Variants in NSMCE2 observed in about 807,000 individuals in gnomAD.
The protein encoded by NSMCE2 is E3 SUMO-protein ligase NSE2.
Under a neutral mutation model 23.8 loss-of-function variants are expected in NSMCE2, and 24 were observed. The observed-to-expected ratio is 1.01, with a 90% CI of 0.73 to 1.42. The LOEUF is 1.42. Ranked by LOEUF, NSMCE2 falls within the 40% of genes most tolerant of loss-of-function variation. The pLI is 0.00. For missense variants in NSMCE2, 284 were observed against 296.5 expected (o/e 0.96, Z 0.31); for synonymous variants, 92 against 94.1 (o/e 0.98, Z 0.13).
chr8:125,215,305 T>C (rs1444062453), intron 5 of NSMCE2, among the ~76,000 whole-genome samples: 33 of 149,712 alleles, frequency 2.2e-4, no homozygotes, highest in South Asian at 4.3e-4. Flanking sequence ...GGTTTTTTGT[T>C]CTTGCGATAG....
intron 5 of NSMCE2, among the ~76,000 whole-genome samples, chr8:125,269,280 G>C (rs1002017725): frequency 6.6e-6 from 1 of 152,024 alleles, no homozygotes; most frequent in Non-Finnish European, 1.5e-5. Context: ...TAAAGACAGG[G>C]TTTCATCATG....
intron 5 of NSMCE2, among the ~76,000 whole-genome samples, chr8:125,236,365 CTATATATA>C (rs35674231): frequency 1.3e-5 from 2 of 150,562 alleles, no homozygotes; most frequent in Non-Finnish European, 3.0e-5. Context: ...AGTTGCAAAA[CTATATATA>C]TATATATCAT....
intron 3 of NSMCE2, among the ~76,000 whole-genome samples, chr8:125,124,376 G>A (rs1163888619): frequency 2.6e-5 from 4 of 151,950 alleles, no homozygotes; most frequent in Non-Finnish European, 5.9e-5. Flanking sequence ...AAATACAGTT[G>A]ATTTTTGTAT....
chr8:125,155,474 A>G (rs1821259130), intron 4 of NSMCE2, among the ~76,000 whole-genome samples: 1 of 152,210 alleles, frequency 6.6e-6, no homozygotes, highest in African/African-American at 2.4e-5. Flanking sequence ...TAGTTGAGTA[A>G]CCTAAGATTG....
At chr8:125,338,465 T>C (rs1028283769) in intron 5 of NSMCE2, among the ~76,000 whole-genome samples, 6 of 152,222 alleles carry the variant, frequency 3.9e-5, no homozygotes, top group African/African-American at 1.4e-4. Context: ...AAATAAGTCT[T>C]GTTTGTCCTG....
At chr8:125,126,418 G>A (rs530151190) in intron 3 of NSMCE2, among the ~76,000 whole-genome samples, 2 of 151,940 alleles carry the variant, frequency 1.3e-5, no homozygotes, top group South Asian at 4.2e-4. Flanking sequence ...CTCACAAGAT[G>A]TGAGGAGATG....
intron 5 of NSMCE2, among the ~76,000 whole-genome samples, chr8:125,306,245 G>A (rs1828755453): frequency 6.6e-6 from 1 of 151,942 alleles, no homozygotes; most frequent in Non-Finnish European, 1.5e-5. Flanking sequence ...CGAGAGGATG[G>A]CTTGAGCCCA....
At chr8:125,129,544 C>CTGTGTGTGTGTGTGTG (rs10578122) in intron 3 of NSMCE2, among the ~76,000 whole-genome samples, 5 of 145,358 alleles carry the variant, frequency 3.4e-5, no homozygotes, top group African/African-American at 5.1e-5. Flanking sequence ...AGATTTGGCT[C>CTGTGTGTGTGTGTGTG]TGTGTGTGTG....
At chr8:125,163,708 A>G (rs1051660346) in intron 4 of NSMCE2, among the ~76,000 whole-genome samples, 2 of 152,196 alleles carry the variant, frequency 1.3e-5, no homozygotes, top group African/African-American at 4.8e-5. Context: ...CTGAAGAGTG[A>G]AAGAAACTTC....
chr8:125,261,974 G>C (rs950072937), intron 5 of NSMCE2, among the ~76,000 whole-genome samples: 1 of 151,834 alleles, frequency 6.6e-6, no homozygotes, highest in Non-Finnish European at 1.5e-5. Context: ...GCGCACACCT[G>C]TCATCTCAAT....
chr8:125,275,293 A>G (rs1475610733), intron 5 of NSMCE2, among the ~76,000 whole-genome samples: 1 of 152,086 alleles, frequency 6.6e-6, no homozygotes, highest in Non-Finnish European at 1.5e-5. Flanking sequence ...CTCACACTTC[A>G]TCCCGTCTTC....
chr8:125,106,053 C>T lies in NSMCE2; in HGVS notation c.157+3566C>T, dbSNP rs189340989. Among the ~76,000 whole-genome samples the T allele has an allele frequency of 7.9e-5, 12 of 151,520 alleles. 1 individual carries two copies. The East Asian group carries it at 2.3e-3, about 30-fold the overall frequency. ...ACATGCGTGTGTGTGTGCATACACACACACACACACACACACACATTTTAA... is the reference window on the plus strand; with the variant it reads ...ACATGCGTGTGTGTGTGCATACACATACACACACACACACACACATTTTAA... On this transcript the variant is annotated intron_variant, in intron 3 of 7. Transcript: ENST00000287437.
intron 5 of NSMCE2, among the ~76,000 whole-genome samples, chr8:125,284,096 G>C (rs1266584199): frequency 6.6e-6 from 1 of 150,914 alleles, no homozygotes; most frequent in East Asian, 1.9e-4. Flanking sequence ...AGAGCTTGCA[G>C]TGAGCTGAGA....
At chr8:125,288,746 A>C (rs867246785) in intron 5 of NSMCE2, among the ~76,000 whole-genome samples, 8 of 152,124 alleles carry the variant, frequency 5.3e-5, no homozygotes, top group African/African-American at 1.9e-4. Context: ...CCACTAGGCT[A>C]GGAGTTTTTT....
intron 4 of NSMCE2, among the ~76,000 whole-genome samples, chr8:125,175,154 A>G (rs1223456894): frequency 2.0e-5 from 3 of 152,174 alleles, no homozygotes; most frequent in African/African-American, 4.8e-5. Flanking sequence ...AGGTGGAGAC[A>G]GTGTTGGCCT....
At chr8:125,365,622 G>A (rs905759436) in intron 7 of NSMCE2, among the ~76,000 whole-genome samples, 1 of 152,148 alleles carries the variant, frequency 6.6e-6, no homozygotes, top group African/African-American at 2.4e-5. Flanking sequence ...TTGGGAGGCC[G>A]AGGCAGGTGG....
At chr8:125,276,255 CCAATCAAACAGAATGGAAA>C (rs1222399256) in intron 5 of NSMCE2, among the ~76,000 whole-genome samples, 3 of 152,170 alleles carry the variant, frequency 2.0e-5, no homozygotes, top group African/African-American at 7.2e-5. Flanking sequence ...AAGCCCTTAG[CCAATCAAACAGAATGGAAA>C]CCATAGATTA....
chr8:125,231,267 C>T (rs1825310382), intron 5 of NSMCE2, among the ~76,000 whole-genome samples: 1 of 152,168 alleles, frequency 6.6e-6, no homozygotes, highest in African/African-American at 2.4e-5. Context: ...AATGAGGATT[C>T]AGTAGATGTG....
At chr8:125,092,975 CAA>C (rs1241564775) in intron 1 of NSMCE2, among the ~76,000 whole-genome samples, 4 of 152,204 alleles carry the variant, frequency 2.6e-5, no homozygotes, top group Admixed American at 2.0e-4. Context: ...ATGCCAACCA[CAA>C]AGTCTACAGA....
Sources: allele counts gnomAD v4.1 joint callset (sites outside exome capture counted in the v4.1 genomes callset), GRCh38; gene constraint gnomAD v4.1.1; transcripts MANE v1.5; gene names NCBI Gene and HGNC (gene_info 2026-07-23, HGNC 2026-07-21).